The following ADCY2 variants were observed in gnomAD, a reference collection of about 807,000 sequenced individuals.
The protein encoded by ADCY2 is adenylate cyclase 2.
A neutral mutation model predicts 125.2 loss-of-function variants in ADCY2; 31 were observed. That is an observed-to-expected ratio of 0.25 (90% confidence interval 0.19 to 0.33). ADCY2 has a LOEUF of 0.33. Among genes scored for constraint, ADCY2 ranks in the 10% least tolerant of loss-of-function variants. ADCY2 has a pLI of 1.00. For missense variants in ADCY2, 904 were observed against 1,418.2 expected (o/e 0.64, Z 5.82); for synonymous variants, 512 against 548.4 (o/e 0.93, Z 0.93).
At chr5:7,590,732 T>G (rs1736826326) in intron 3 of ADCY2, among the ~76,000 whole-genome samples, 1 of 152,204 alleles carries the variant, frequency 6.6e-6, no homozygotes, top group Admixed American at 6.5e-5. Context: ...CATTATGGTG[T>G]GGACAAAGTC....
chr5:7,516,583 C>G (rs1744261029), intron 2 of ADCY2, among the ~76,000 whole-genome samples: 2 of 152,168 alleles, frequency 1.3e-5, no homozygotes, highest in Admixed American at 1.3e-4. Flanking sequence ...ACATGGCTAA[C>G]AGTGCATAAG....
In ADCY2 at chr5:7,477,544, A is replaced by G. The variant is rs1001901573; in HGVS notation, c.409-43194A>G. On this transcript the variant is annotated intron_variant, in intron 2 of 24. Transcript: ENST00000338316. ...CAGAAAAGACAGCACCTGAGAGGAA[A>G]TCTCTAAGCTTGCATACTTCTGTTT... 2.6e-5 allele frequency among the ~76,000 whole-genome samples: 4 copies of G among 151,848 alleles called. 1 individual carries two copies. The highest frequency in any genetic ancestry group is 4.4e-5 in the Non-Finnish European group (3 of 67,788).
At chr5:7,467,352 G>A (rs1426577227) in intron 2 of ADCY2, among the ~76,000 whole-genome samples, 1 of 152,188 alleles carries the variant, frequency 6.6e-6, no homozygotes, top group Non-Finnish European at 1.5e-5. Context: ...CCAGGCAATT[G>A]CCCTTTCTCT....
intron 4 of ADCY2, among the ~76,000 whole-genome samples, chr5:7,629,239 A>G (rs898198622): frequency 1.3e-5 from 2 of 152,200 alleles, no homozygotes; most frequent in African/African-American, 2.4e-5. Flanking sequence ...CTCGCTTCAC[A>G]GCCCCACTCT....
intron 2 of ADCY2, among the ~76,000 whole-genome samples, chr5:7,458,092 G>A (rs1741768871): frequency 6.6e-6 from 1 of 152,172 alleles, no homozygotes; most frequent in Non-Finnish European, 1.5e-5. Flanking sequence ...GGGATACTGG[G>A]GGAATGGTGG....
At chr5:7,523,762 G>A (rs892604595) in intron 3 of ADCY2, among the ~76,000 whole-genome samples, 18 of 152,140 alleles carry the variant, frequency 1.2e-4, no homozygotes, top group African/African-American at 4.3e-4. Context: ...TACAAATTTG[G>A]TGGTTGTATT....
chr5:7,463,990 T>C (rs192557559), intron 2 of ADCY2, among the ~76,000 whole-genome samples: 4 of 152,318 alleles, frequency 2.6e-5, no homozygotes, highest in Non-Finnish European at 4.4e-5. Flanking sequence ...TGTATTTTAT[T>C]TGGTGTCCAG....
At chr5:7,523,577 T>C (rs16878760) in intron 3 of ADCY2, among the ~76,000 whole-genome samples, 22,597 of 152,154 alleles carry the variant, frequency 0.15, 2,029 homozygotes, top group African/African-American at 0.25. Context: ...AGGTGGAACA[T>C]GCGAACAGAT....
In ADCY2 at chr5:7,469,846, TTTTTA is replaced by T. The variant is rs532482804; in HGVS notation, c.409-50888_409-50884del. ...TTCCTATATAAGAACACAGTGAAAC[TTTTTA>T]TTTATTTTTTTATTTATTCATTCTT... On this transcript the variant is annotated intron_variant, in intron 2 of 24. Coordinates refer to ENST00000338316, the MANE Select transcript of ADCY2 (RefSeq NM_020546.3). Among the ~76,000 whole-genome samples, 344 of 151,822 alleles carry T rather than the reference TTTTTA, an allele frequency of 2.3e-3. 4 individuals carry two copies. The highest frequency in any genetic ancestry group is 7.7e-3 in the African/African-American group (318 of 41,534).
intron 2 of ADCY2, among the ~76,000 whole-genome samples, chr5:7,460,871 T>G (rs1741892572): frequency 6.6e-6 from 1 of 152,332 alleles, no homozygotes; most frequent in Middle Eastern, 3.4e-3. Flanking sequence ...ATGGACATTA[T>G]AAGTTCTTTC....
intron 15 of ADCY2, among the ~76,000 whole-genome samples, chr5:7,748,293 A>G (rs1001773092): frequency 6.6e-6 from 1 of 152,082 alleles, no homozygotes; most frequent in Non-Finnish European, 1.5e-5. Flanking sequence ...CTGCATTGAA[A>G]TTTCTTGCTC....
chr5:7,678,897 A>C (rs991521374), intron 4 of ADCY2, among the ~76,000 whole-genome samples: 1 of 152,240 alleles, frequency 6.6e-6, no homozygotes, highest in African/African-American at 2.4e-5. Context: ...AATCTTATTC[A>C]AAGTGTAATG....
chr5:7,500,766 G>T (rs183146464), intron 2 of ADCY2, among the ~76,000 whole-genome samples: 1 of 151,922 alleles, frequency 6.6e-6, no homozygotes, highest in Admixed American at 6.6e-5. Context: ...ATTTACATAT[G>T]TGTTTCTTAG....
intron 2 of ADCY2, among the ~76,000 whole-genome samples, chr5:7,421,250 A>C (rs748973491): frequency 1.3e-5 from 2 of 152,226 alleles, no homozygotes; most frequent in African/African-American, 2.4e-5. Context: ...CATGGCTTAG[A>C]ACAAATAGAA....
intron 2 of ADCY2, among the ~76,000 whole-genome samples, chr5:7,476,321 C>A (rs1238384283): frequency 6.6e-6 from 1 of 151,980 alleles, no homozygotes; most frequent in Non-Finnish European, 1.5e-5. Context: ...AGCCCACAGG[C>A]CAGGCCTGGT....
chr5:7,464,948 G>A (rs935141672), intron 2 of ADCY2, among the ~76,000 whole-genome samples: 9 of 152,170 alleles, frequency 5.9e-5, no homozygotes, highest in Non-Finnish European at 1.0e-4. Flanking sequence ...GGCTATGGAG[G>A]CCTCACCATC....
intron 3 of ADCY2, among the ~76,000 whole-genome samples, chr5:7,589,285 CCAA>C (rs922598054): frequency 3.3e-5 from 5 of 150,906 alleles, no homozygotes; most frequent in African/African-American, 1.2e-4. Context: ...TACACTGTAA[CCAA>C]CAACAACAAA....
intron 1 of ADCY2, among the ~76,000 whole-genome samples, chr5:7,398,107 T>C (rs1371619973): frequency 6.6e-6 from 1 of 152,248 alleles, no homozygotes; most frequent in Non-Finnish European, 1.5e-5. Flanking sequence ...GCTGGGGCAT[T>C]TCAGCTTGTG....
chr5:7,649,326 G>C (rs1468001540), intron 4 of ADCY2, among the ~76,000 whole-genome samples: 1 of 152,178 alleles, frequency 6.6e-6, no homozygotes, highest in South Asian at 2.1e-4. Context: ...TGCATCATCA[G>C]TTTATAGCAA....
Sources: gnomAD v4.1 joint callset for allele counts (sites outside exome capture counted in the v4.1 genomes callset) on GRCh38, gnomAD v4.1.1 for gene constraint, MANE v1.5 for transcripts, NCBI Gene and HGNC (gene_info 2026-07-23, HGNC 2026-07-21) for gene names.